Variants in ARID1B observed in about 807,000 individuals in gnomAD.
ARID1B encodes AT-rich interaction domain 1B.
In ARID1B, 30 loss-of-function variants were observed where a neutral mutation model predicts 212.3. The observed-to-expected ratio is 0.14, with a 90% CI of 0.11 to 0.19. The LOEUF is 0.19. ARID1B is among the 10% of genes least tolerant of loss of function. The pLI, the probability that ARID1B is intolerant of heterozygous loss-of-function variation, is 1.00. For missense variants in ARID1B, 2,891 were observed against 3,204.0 expected (o/e 0.90, Z 2.36); for synonymous variants, 1,402 against 1,301.7 (o/e 1.08, Z -1.66).
At chr6:156,938,919 C>T (rs1792464105) in intron 4 of ARID1B, 1 of 152,222 alleles carries the variant, frequency 6.6e-6, no homozygotes, top group African/African-American at 2.4e-5. Context: ...GATAGACCTT[C>T]ACATCATCTG....
rs919453400 is a variant in ARID1B, at chr6:156,931,227, A to G, written c.2137-4239A>G. 1.5e-4 allele frequency among the ~76,000 whole-genome samples: 22 copies of G among 151,306 alleles called. No homozygotes were observed. In the South Asian group the frequency reaches 1.5e-3, roughly 10 times the overall value. ...AAAAAAAAAAAAATTCAAAGCTTATACCATGGGAATGTTTTCCCTTTTTAA... is the reference window on the plus strand; with the variant it reads ...AAAAAAAAAAAAATTCAAAGCTTATGCCATGGGAATGTTTTCCCTTTTTAA... On this transcript the variant is annotated intron_variant, in intron 3 of 19. Coordinates refer to ENST00000636930, the MANE Select transcript of ARID1B (RefSeq NM_001374828.1).
At chr6:156,787,304 A>G (rs1393975728) in intron 1 of ARID1B, among the ~76,000 whole-genome samples, 1 of 152,176 alleles carries the variant, frequency 6.6e-6, no homozygotes, top group Admixed American at 6.5e-5. Flanking sequence ...ATGCTGGCTG[A>G]GGAGTAAATT....
chr6:157,174,091 A>T lies in ARID1B; in HGVS notation c.3319A>T (p.Thr1107Ser). Residue 1107 changes from threonine (T) to serine (S), a missense_variant, in exon 10 of 20, where the codon ACT (threonine) becomes TCT (serine). Physicochemically the swap from Thr to Ser is moderately conservative, Grantham distance 58 (BLOSUM62 1). Around this residue, in one of 7 missense-constraint regions of ARID1B, gnomAD observed 1,643 missense variants for 1,544.0 expected, o/e 1.06. Coordinates refer to ENST00000636930, the MANE Select transcript of ARID1B (RefSeq NM_001374828.1). ...CAAAGCAGACGGCAAAGAAGAAGGCACTCCACAGCCCGAGAGCAAGTCAAA... is the reference window on the plus strand; with the variant it reads ...CAAAGCAGACGGCAAAGAAGAAGGCTCTCCACAGCCCGAGAGCAAGTCAAA... ...PLKADGKEEG[T>S]PQPESKSKDS... 1 of 1,614,006 alleles carries T rather than the reference A, an allele frequency of 6.2e-7. No homozygotes were observed. The highest frequency in any genetic ancestry group is 8.5e-7 in the Non-Finnish European group (1 of 1,179,962).
chr6:156,830,436 C>T (rs1783067628), intron 2 of ARID1B, among the ~76,000 whole-genome samples: 1 of 152,196 alleles, frequency 6.6e-6, no homozygotes, highest in East Asian at 1.9e-4. Context: ...GACTACTGTT[C>T]TCTCTGATGT....
intron 7 of ARID1B, among the ~76,000 whole-genome samples, chr6:157,141,938 CAT>C (rs1562297059): frequency 6.6e-6 from 1 of 152,208 alleles, no homozygotes; most frequent in Non-Finnish European, 1.5e-5. Flanking sequence ...AAAGATGAAA[CAT>C]ATTCCTACCA....
intron 4 of ARID1B, among the ~76,000 whole-genome samples, chr6:157,042,204 GA>G (rs1243543845): frequency 6.6e-6 from 1 of 152,198 alleles, no homozygotes; most frequent in Non-Finnish European, 1.5e-5. Flanking sequence ...TGACAAAGAT[GA>G]AAACATGTAT....
chr6:157,047,979 A>C (rs1322807707), intron 4 of ARID1B, among the ~76,000 whole-genome samples: 3 of 152,336 alleles, frequency 2.0e-5, no homozygotes, highest in African/African-American at 7.2e-5. Flanking sequence ...GTTGGGAAGA[A>C]GCAAAGAAAA....
intron 16 of ARID1B, among the ~76,000 whole-genome samples, chr6:157,198,179 T>C (rs1226369421): frequency 6.6e-6 from 1 of 152,238 alleles, no homozygotes; most frequent in Admixed American, 6.5e-5. Flanking sequence ...TAAGATGTAA[T>C]AGGTGTACAT....
At chr6:157,199,052 T>TC in intron 17 of ARID1B, 145 bp downstream of exon 17, 1 of 651,224 alleles carries the variant, frequency 1.5e-6, no homozygotes, top group Non-Finnish European at 2.4e-6. Flanking sequence ...TAGTTAATGC[T>TC]AGAAAGTACT....
At chr6:156,948,552 C>G (rs1258391549) in intron 4 of ARID1B, among the ~76,000 whole-genome samples, 1 of 152,184 alleles carries the variant, frequency 6.6e-6, no homozygotes, top group Non-Finnish European at 1.5e-5. Context: ...CCCATAGTTG[C>G]TGCATTTATG....
At chr6:156,968,980 G>C (rs866831478) in intron 4 of ARID1B, among the ~76,000 whole-genome samples, 71 of 152,350 alleles carry the variant, frequency 4.7e-4, no homozygotes, top group Middle Eastern at 3.4e-3. Flanking sequence ...GTGGCCCCAG[G>C]GAGGTGCTCC....
intron 4 of ARID1B, chr6:157,024,211 T>C (rs1780508568): frequency 6.6e-6 from 1 of 152,258 alleles, no homozygotes; most frequent in Non-Finnish European, 1.5e-5. Flanking sequence ...GTGGTTTAAC[T>C]CTTTCAGGAA....
Position 156,778,828 on chromosome 6 carries a change from G to C in ARID1B, c.1148G>C (p.Gly383Ala). The C allele has an allele frequency of 7.0e-7, 1 of 1,437,532 alleles. No homozygotes were observed. Among genetic ancestry groups the C allele is most frequent in the Non-Finnish European group, 9.2e-7 (1 of 1,091,154 alleles). 89.0% of individuals were successfully genotyped at this position (1,437,532 alleles called of 1,614,324 possible). A position where few individuals can be genotyped will look rare whatever the true frequency, so the allele number is the denominator to read the frequency against. ...AACAGCCAGTGCAACCATTATCCGG[G>C]CTACAGCCGGCCCGGCGCGGGCGGC... ...YPNSQCNHYP[G>A]YSRPGAGGGG... The change falls in exon 1 of 20, where the codon GGC (glycine) becomes GCC (alanine). Residue 383 changes from glycine to alanine, a missense_variant. This residue lies in a region of ARID1B where 1,643 missense variants were observed against 1,544.0 expected (regional missense o/e 1.06). Transcript: ENST00000636930.
chr6:156,825,242 A>G (rs1351968299), intron 1 of ARID1B, among the ~76,000 whole-genome samples: 1 of 152,228 alleles, frequency 6.6e-6, no homozygotes, highest in Non-Finnish European at 1.5e-5. Context: ...AATGCTCAAA[A>G]ATAGAGGACA....
chr6:157,128,639 G>T (rs1562641742), intron 6 of ARID1B, among the ~76,000 whole-genome samples: 1 of 152,208 alleles, frequency 6.6e-6, no homozygotes, highest in Non-Finnish European at 1.5e-5. Flanking sequence ...AGAGGTTTGG[G>T]TGAGCCATGC....
chr6:156,820,830 G>A (rs552368165), intron 1 of ARID1B, among the ~76,000 whole-genome samples: 2 of 152,184 alleles, frequency 1.3e-5, no homozygotes, highest in Non-Finnish European at 2.9e-5. Flanking sequence ...GGCAAATATG[G>A]TATTGTACTT....
At chr6:157,027,063 G>C (rs1011412940) in intron 4 of ARID1B, among the ~76,000 whole-genome samples, 1 of 152,166 alleles carries the variant, frequency 6.6e-6, no homozygotes, top group Non-Finnish European at 1.5e-5. Context: ...GATTGGTGGG[G>C]AGCCAGTTTA....
intron 1 of ARID1B, among the ~76,000 whole-genome samples, chr6:156,786,215 GTT>G (rs1387804502): frequency 6.6e-6 from 1 of 151,576 alleles, no homozygotes; most frequent in Non-Finnish European, 1.5e-5. Context: ...TTCTTTCTGT[GTT>G]TGAAGTTTCT....
At chr6:156,909,168 C>G (rs1439695296) in intron 3 of ARID1B, among the ~76,000 whole-genome samples, 2 of 146,436 alleles carry the variant, frequency 1.4e-5, no homozygotes, top group East Asian at 4.0e-4. Flanking sequence ...CTCTGTCGCC[C>G]AGGCTGGAGT....
Sources: gnomAD v4.1 joint callset for allele counts (sites outside exome capture counted in the v4.1 genomes callset) on GRCh38, gnomAD v4.1.1 for gene constraint, gnomAD v4.1.1 regional missense constraint, MANE v1.5 for transcripts, NCBI Gene and HGNC (gene_info 2026-07-23, HGNC 2026-07-21) for gene names.